NUBPL: variants seen among roughly 807,000 people sequenced by gnomAD.
NUBPL encodes the protein iron-sulfur cluster transfer protein NUBPL.
NUBPL carries 31 observed loss-of-function variants against 45.7 expected under a neutral mutation model. The ratio of observed to expected loss-of-function variants is 0.68; its 90% CI spans 0.51 to 0.92. The LOEUF is 0.92. Among genes scored for constraint, NUBPL ranks in the 40% least tolerant of loss-of-function variants. The probability of loss-of-function intolerance (pLI) is 0.00; values close to 1 mark genes in which losing one functional copy is unlikely to be tolerated. For synonymous variants in NUBPL, 144 were observed against 140.9 expected, an observed-to-expected ratio of 1.02 and a Z score of -0.15; for missense variants, 401 against 398.7, an observed-to-expected ratio of 1.01 and a Z score of -0.05.
At chr14:31,619,482 GGT>G (rs2035001171) in intron 4 of NUBPL, among the ~76,000 whole-genome samples, 1 of 151,990 alleles carries the variant, frequency 6.6e-6, no homozygotes, top group East Asian at 1.9e-4. Context: ...CAGGCCTGGT[GGT>G]GACAAAATTT....
intron 6 of NUBPL, among the ~76,000 whole-genome samples, chr14:31,698,161 T>G (rs2037254254): frequency 6.6e-6 from 1 of 152,202 alleles, no homozygotes; most frequent in African/African-American, 2.4e-5. Flanking sequence ...ATCTTGGCAT[T>G]GTGTCAGTTT....
chr14:31,690,310 G>T (rs559882355), intron 6 of NUBPL, among the ~76,000 whole-genome samples: 220 of 152,278 alleles, frequency 1.4e-3, no homozygotes, highest in Non-Finnish European at 2.3e-3. Context: ...ATAAAATTTA[G>T]TGATAACCCC....
rs180945487 is a variant in NUBPL at position 31,622,511 on chromosome 14, G to T, written c.382+23132G>T. On this transcript the variant is annotated intron_variant, in intron 4 of 10. Coordinates refer to ENST00000281081, the MANE Select transcript of NUBPL (RefSeq NM_025152.3). Reference sequence around the variant, plus strand: ...GCAGCCCCTCCCATCACGGGCTTAGGAGGGAAAAATGGTTTTATGATCCAG... The same window carrying T: ...GCAGCCCCTCCCATCACGGGCTTAGTAGGGAAAAATGGTTTTATGATCCAG... Among the ~76,000 whole-genome samples, 8 of 152,066 alleles carry T rather than the reference G, an allele frequency of 5.3e-5. No individual in the cohort carries two copies. The East Asian group carries it at 1.6e-3, about 30-fold the overall frequency.
intron 6 of NUBPL, 102 bp downstream of exon 6, chr14:31,673,676 A>T: frequency 1.0e-6 from 1 of 987,464 alleles, no homozygotes; most frequent in East Asian, 2.5e-5. Context: ...GAATCAGTTG[A>T]TGGGATGAAT....
At chr14:31,684,811 C>T (rs1266676436) in intron 6 of NUBPL, among the ~76,000 whole-genome samples, 1 of 152,058 alleles carries the variant, frequency 6.6e-6, no homozygotes, top group East Asian at 1.9e-4. Flanking sequence ...TGGGTATCAA[C>T]ATTGTTACCA....
In NUBPL at chr14:31,850,203, T is replaced by A. The variant is rs753444390; in HGVS notation, c.897+2T>A. 34 of 1,610,338 alleles carry A rather than the reference T, an allele frequency of 2.1e-5. No individual in the cohort carries two copies. Among genetic ancestry groups the A allele is most frequent in the Non-Finnish European group, 2.9e-5 (34 of 1,176,626 alleles). On this transcript the variant is annotated splice_donor_variant, in intron 10 of 10. Coordinates refer to ENST00000281081, the MANE Select transcript of NUBPL (RefSeq NM_025152.3). LOFTEE classifies it high-confidence loss of function. Reference sequence around the variant, plus strand: ...TTTTCACAGCCTGAAAGTGATGAGGTAAGTTCCATTTTTGGATACATATTT... The same window carrying A: ...TTTTCACAGCCTGAAAGTGATGAGGAAAGTTCCATTTTTGGATACATATTT...
intron 6 of NUBPL, among the ~76,000 whole-genome samples, chr14:31,773,622 C>T (rs531339345): frequency 6.6e-6 from 1 of 152,318 alleles, no homozygotes; most frequent in East Asian, 1.9e-4. Flanking sequence ...AGGTTAGCTG[C>T]ATCTCTATAC....
chr14:31,746,455 T>C (rs2038402302), intron 6 of NUBPL, among the ~76,000 whole-genome samples: 1 of 152,038 alleles, frequency 6.6e-6, no homozygotes, highest in South Asian at 2.1e-4. Flanking sequence ...ATCATATAGT[T>C]TATGTTCTTT....
intron 3 of NUBPL, among the ~76,000 whole-genome samples, chr14:31,587,553 A>G (rs1486821936): frequency 6.6e-6 from 1 of 152,228 alleles, no homozygotes; most frequent in African/African-American, 2.4e-5. Flanking sequence ...CTACAACAAA[A>G]AGAAAAGAAG....
chr14:31,674,726 C>A (rs2036652111), intron 6 of NUBPL, among the ~76,000 whole-genome samples: 1 of 152,122 alleles, frequency 6.6e-6, no homozygotes, highest in Non-Finnish European at 1.5e-5. Context: ...ACACTTCAGT[C>A]ATCAGATTTT....
At chr14:31,707,669 C>A (rs28782552) in intron 6 of NUBPL, among the ~76,000 whole-genome samples, 5,465 of 152,240 alleles carry the variant, frequency 0.036, 129 homozygotes, top group African/African-American at 0.075. Context: ...TGCTGAGGGC[C>A]CTGGTCCCTC....
chr14:31,656,455 A>G (rs1234253954), intron 4 of NUBPL, among the ~76,000 whole-genome samples: 4 of 152,214 alleles, frequency 2.6e-5, no homozygotes, highest in South Asian at 4.1e-4. Flanking sequence ...AATCATGTGT[A>G]TCTTTTCATT....
intron 4 of NUBPL, among the ~76,000 whole-genome samples, chr14:31,664,143 A>G (rs761481385): frequency 1.7e-4 from 26 of 152,184 alleles, no homozygotes; most frequent in Admixed American, 1.2e-3. Flanking sequence ...TTGGACTCAG[A>G]CAATGGGGGT....
At chr14:31,603,131 G>T (rs191585452) in intron 4 of NUBPL, among the ~76,000 whole-genome samples, 261 of 151,764 alleles carry the variant, frequency 1.7e-3, no homozygotes, top group South Asian at 5.0e-3. Context: ...GGGCAACATA[G>T]TGAGACAAAA....
chr14:31,731,110 A>G (rs1341613323), intron 6 of NUBPL, among the ~76,000 whole-genome samples: 1 of 152,260 alleles, frequency 6.6e-6, no homozygotes, highest in Non-Finnish European at 1.5e-5. Flanking sequence ...ACTAAAAATT[A>G]TCCAGCAGAT....
At chr14:31,790,057 A>G (rs934247128) in intron 7 of NUBPL, among the ~76,000 whole-genome samples, 1 of 152,222 alleles carries the variant, frequency 6.6e-6, no homozygotes, top group Non-Finnish European at 1.5e-5. Flanking sequence ...AAATACTTGC[A>G]TTATTCATAT....
intron 3 of NUBPL, among the ~76,000 whole-genome samples, chr14:31,593,000 G>A (rs1029306040): frequency 2.0e-5 from 3 of 152,042 alleles, no homozygotes; most frequent in Admixed American, 6.5e-5. Context: ...TGCTGGTTTT[G>A]CATCTGTGGA....
At chr14:31,718,962 G>A (rs943502025) in intron 6 of NUBPL, among the ~76,000 whole-genome samples, 1 of 152,110 alleles carries the variant, frequency 6.6e-6, no homozygotes. Context: ...GTTATGTCTC[G>A]ATTAACCCAT....
Position 31,731,157 on chromosome 14 carries a change from C to T in NUBPL, c.514-56623C>T, listed in dbSNP as rs566964156. Among the ~76,000 whole-genome samples, 14 of 152,258 alleles carry T rather than the reference C, an allele frequency of 9.2e-5. No homozygotes were observed. The East Asian group carries it at 2.7e-3, about 29-fold the overall frequency. The stretch of plus-strand genomic sequence containing the variant: ...AAGATAATAGTAAAACTGAAAAACA[C>T]ACTATTTAAAACTTAATCATTAGGT... On this transcript the variant is annotated intron_variant, in intron 6 of 10. Transcript: ENST00000281081.
Sources: allele counts gnomAD v4.1 joint callset (sites outside exome capture counted in the v4.1 genomes callset), GRCh38; gene constraint gnomAD v4.1.1; transcripts MANE v1.5; gene names NCBI Gene and HGNC (gene_info 2026-07-23, HGNC 2026-07-21).